Variants in LOC400499 observed in about 807,000 individuals in gnomAD.
chr16:11,437,581 G>C, the LOC400499 span, among the ~76,000 whole-genome samples: 1 of 151,924 alleles, frequency 6.6e-6, no homozygotes, highest in African/African-American at 2.4e-5. Context: ...TAAAATTAAT[G>C]TTTGAGCTGG....
chr16:11,467,322 CTG>C, the LOC400499 span: 6 of 143,826 alleles, frequency 4.2e-5, no homozygotes, highest in African/African-American at 1.5e-4. Flanking sequence ...AACAAAAAAA[CTG>C]GGAAACTGGG....
chr16:11,475,864 C>G, the LOC400499 span: 16 of 389,470 alleles, frequency 4.1e-5, no homozygotes, highest in Non-Finnish European at 6.8e-5. Flanking sequence ...GGTGTGGTGA[C>G]ACTCCGTGGG....
the LOC400499 span, chr16:11,411,166 C>G: frequency 1.0e-5 from 4 of 398,942 alleles, no homozygotes; most frequent in Middle Eastern, 6.3e-4. Flanking sequence ...ATTAACACTC[C>G]CCAGAGGGGC....
At chr16:11,375,810 AC>A in the LOC400499 span, among the ~76,000 whole-genome samples, 1 of 147,496 alleles carries the variant, frequency 6.8e-6, no homozygotes, top group African/African-American at 2.5e-5. Context: ...GCTCACCGCA[AC>A]CTCTGCCTCC....
chr16:11,468,215 T>G, the LOC400499 span, among the ~76,000 whole-genome samples: 1 of 152,248 alleles, frequency 6.6e-6, no homozygotes, highest in Non-Finnish European at 1.5e-5. Context: ...CGTACTTTGT[T>G]AAGGCAGCTC....
At chr16:11,388,548 G>T in the LOC400499 span, among the ~76,000 whole-genome samples, 1 of 152,172 alleles carries the variant, frequency 6.6e-6, no homozygotes, top group African/African-American at 2.4e-5. Flanking sequence ...CCTCGTGCCT[G>T]TGAGGGGGAG....
chr16:11,444,387 G>A, the LOC400499 span, among the ~76,000 whole-genome samples: 1 of 152,152 alleles, frequency 6.6e-6, no homozygotes, highest in South Asian at 2.1e-4. Context: ...GGGTGACAGA[G>A]CAAGACCCTG....
chr16:11,486,421 TG>T, the LOC400499 span, among the ~76,000 whole-genome samples: 1 of 129,382 alleles, frequency 7.7e-6, no homozygotes, highest in Non-Finnish European at 1.6e-5. Context: ...GATGGATGGA[TG>T]GATGGATGGA....
At chr16:11,418,630 G>A in the LOC400499 span, among the ~76,000 whole-genome samples, 1 of 152,196 alleles carries the variant, frequency 6.6e-6, no homozygotes, top group Non-Finnish European at 1.5e-5. Context: ...ATTCTTTCTT[G>A]CACAAGATCC....
the LOC400499 span, among the ~76,000 whole-genome samples, chr16:11,488,495 C>T: frequency 6.6e-6 from 1 of 152,176 alleles, no homozygotes; most frequent in East Asian, 1.9e-4. Flanking sequence ...TCATGACTCA[C>T]TGCAGACTTG....
chr16:11,469,951 G>A, the LOC400499 span, among the ~76,000 whole-genome samples: 9 of 150,560 alleles, frequency 6.0e-5, no homozygotes, highest in Middle Eastern at 3.4e-3. Flanking sequence ...GCCCAGGCTG[G>A]AGTGTCAGCG....
At chr16:11,498,920 A>T in the LOC400499 span, among the ~76,000 whole-genome samples, 3 of 150,158 alleles carry the variant, frequency 2.0e-5, no homozygotes, top group Non-Finnish European at 4.4e-5. Flanking sequence ...GAGGCCTGGG[A>T]AAGTAAAGTA....
chr16:11,392,475 G>A, the LOC400499 span: 8 of 398,910 alleles, frequency 2.0e-5, no homozygotes, highest in Admixed American at 1.8e-4. Flanking sequence ...GCACATGCCC[G>A]CAGCACCACA....
the LOC400499 span, chr16:11,414,225 G>A: frequency 2.5e-6 from 1 of 398,424 alleles, no homozygotes; most frequent in East Asian, 3.6e-5. Flanking sequence ...CAAGTACTGG[G>A]GAAACCCAAG....
chr16:11,407,615 A>G, the LOC400499 span, among the ~76,000 whole-genome samples: 18 of 152,352 alleles, frequency 1.2e-4, no homozygotes, highest in Admixed American at 1.0e-3. Flanking sequence ...TGGCACCAGC[A>G]GCCAAGAATT....
At chr16:11,384,150 G>T in the LOC400499 span, 707 of 1,213,438 alleles carry the variant, frequency 5.8e-4, no homozygotes, top group Non-Finnish European at 7.1e-4. Context: ...CCTCTCCCGG[G>T]ACTCTGCAGT....
the LOC400499 span, chr16:11,456,714 C>A: frequency 3.1e-6 from 3 of 974,204 alleles, no homozygotes; most frequent in Admixed American, 6.9e-5. Flanking sequence ...AGGCGTGAGC[C>A]ACTGTGCCTG....
At chr16:11,415,428 G>T in the LOC400499 span, among the ~76,000 whole-genome samples, 3 of 152,124 alleles carry the variant, frequency 2.0e-5, no homozygotes, top group Middle Eastern at 3.2e-3. Flanking sequence ...CCTGAGCCTC[G>T]ACTTCCTTAT....
chr16:11,418,507 C>T, the LOC400499 span, among the ~76,000 whole-genome samples: 1 of 152,324 alleles, frequency 6.6e-6, no homozygotes, highest in Non-Finnish European at 1.5e-5. Context: ...GATGTCATGG[C>T]AATGTCAGGA....
Sources: gnomAD v4.1 joint callset for allele counts (sites outside exome capture counted in the v4.1 genomes callset) on GRCh38, gnomAD v4.1.1 for gene constraint, MANE v1.5 for transcripts.